ARHGAP24: variants seen among roughly 807,000 people sequenced by gnomAD.
ARHGAP24 encodes Rho GTPase activating protein 24, also known as rho GTPase-activating protein 24.
ARHGAP24 carries 50 observed loss-of-function variants against 76.4 expected under a neutral mutation model. The observed-to-expected ratio is 0.65, with a 90% confidence interval of 0.52 to 0.83. The LOEUF (loss-of-function observed/expected upper bound fraction) is 0.83, where lower values mean the gene tolerates loss of function less well. Among genes scored for constraint, ARHGAP24 ranks in the 40% least tolerant of loss-of-function variants. The probability of loss-of-function intolerance (pLI) is 0.00; values close to 1 mark genes in which losing one functional copy is unlikely to be tolerated. For synonymous variants in ARHGAP24, 345 were observed against 323.3 expected (o/e 1.07, Z -0.72); for missense variants, 930 against 914.2 (o/e 1.02, Z -0.22).
At chr4:85,687,259 T>C (rs2110014851) in intron 2 of ARHGAP24, among the ~76,000 whole-genome samples, 1 of 152,278 alleles carries the variant, frequency 6.6e-6, no homozygotes, top group South Asian at 2.1e-4. Context: ...GGGTTGAATT[T>C]TCTTGTCTTT....
intron 8 of ARHGAP24, among the ~76,000 whole-genome samples, chr4:85,982,919 T>A (rs749131242): frequency 6.6e-6 from 1 of 152,082 alleles, no homozygotes; most frequent in Non-Finnish European, 1.5e-5. Flanking sequence ...ATGTTTTCCC[T>A]TCCCCCCCTT....
At chr4:85,940,594 T>C (rs1429962860) in intron 4 of ARHGAP24, among the ~76,000 whole-genome samples, 1 of 152,152 alleles carries the variant, frequency 6.6e-6, no homozygotes, top group Non-Finnish European at 1.5e-5. Context: ...TGAGTGTCTG[T>C]TGGAGTTAGT....
chr4:85,867,358 C>T (rs1307351908), intron 3 of ARHGAP24, among the ~76,000 whole-genome samples: 3 of 151,992 alleles, frequency 2.0e-5, no homozygotes, highest in Admixed American at 1.3e-4. Context: ...GATTCTAGTG[C>T]GTTTACACTC....
chr4:85,809,005 C>A (rs1475172213), intron 3 of ARHGAP24, among the ~76,000 whole-genome samples: 1 of 152,130 alleles, frequency 6.6e-6, no homozygotes, highest in African/African-American at 2.4e-5. Flanking sequence ...TCCCACCTTT[C>A]ATCCAATTTA....
chr4:85,536,039 C>G (rs1725457224), intron 1 of ARHGAP24, among the ~76,000 whole-genome samples: 1 of 152,040 alleles, frequency 6.6e-6, no homozygotes, highest in Non-Finnish European at 1.5e-5. Flanking sequence ...CACCTGTGTT[C>G]CATTCATTCA....
rs1157548714 is a variant in ARHGAP24, at chr4:85,962,018, C to T, written c.600-10018C>T. 3.3e-5 allele frequency among the ~76,000 whole-genome samples: 5 copies of T among 152,224 alleles called. No individual in the cohort carries two copies. The East Asian group carries it at 9.6e-4, about 29-fold the overall frequency. On this transcript the variant is annotated intron_variant, in intron 5 of 9. Transcript: ENST00000395184. ...CAGGCAGAATACAATGGTGAAGTAA[C>T]TAAGTACAGCCAAAACTTCTCTATT...
At chr4:85,687,984 T>C (rs751388546) in intron 2 of ARHGAP24, among the ~76,000 whole-genome samples, 1 of 152,122 alleles carries the variant, frequency 6.6e-6, no homozygotes, top group African/African-American at 2.4e-5. Context: ...GCTAATTTTT[T>C]GTATTTTTAG....
At chr4:85,481,681 A>G (rs945531338) in intron 1 of ARHGAP24, among the ~76,000 whole-genome samples, 1 of 152,224 alleles carries the variant, frequency 6.6e-6, no homozygotes, top group Non-Finnish European at 1.5e-5. Context: ...CCATTACTTC[A>G]TTCCATGACA....
intron 3 of ARHGAP24, among the ~76,000 whole-genome samples, chr4:85,866,361 A>G (rs1174781602): frequency 6.6e-6 from 1 of 152,116 alleles, no homozygotes; most frequent in Non-Finnish European, 1.5e-5. Context: ...AAAAATGGAA[A>G]AAGAAAAACC....
intron 2 of ARHGAP24, among the ~76,000 whole-genome samples, chr4:85,639,506 A>T (rs72982086): frequency 2.0e-5 from 3 of 152,120 alleles, no homozygotes; most frequent in Admixed American, 2.0e-4. Context: ...ATAGATAACA[A>T]ATTCTCAGAG....
chr4:85,887,007 G>T (rs1733602097), intron 3 of ARHGAP24, among the ~76,000 whole-genome samples: 1 of 151,872 alleles, frequency 6.6e-6, no homozygotes, highest in South Asian at 2.1e-4. Context: ...ACTAGCTTTG[G>T]TACCATTTTT....
chr4:85,708,454 A>G (rs986741160), intron 2 of ARHGAP24, among the ~76,000 whole-genome samples: 1 of 152,188 alleles, frequency 6.6e-6, no homozygotes, highest in African/African-American at 2.4e-5. Context: ...TACTAATGAG[A>G]AAACAGAGGT....
chr4:85,896,964 T>C (rs1734213313), intron 3 of ARHGAP24, among the ~76,000 whole-genome samples: 1 of 152,196 alleles, frequency 6.6e-6, no homozygotes. Flanking sequence ...AAAAAATCTC[T>C]TTTAGACTTC....
intron 2 of ARHGAP24, among the ~76,000 whole-genome samples, chr4:85,648,070 TA>T (rs1721791760): frequency 6.6e-6 from 1 of 152,186 alleles, no homozygotes; most frequent in Non-Finnish European, 1.5e-5. Flanking sequence ...TAAAGTCAGA[TA>T]AATACAGTTC....
chr4:85,736,022 C>T (rs1455714264), intron 3 of ARHGAP24, among the ~76,000 whole-genome samples: 1 of 152,240 alleles, frequency 6.6e-6, no homozygotes, highest in East Asian at 1.9e-4. Context: ...CTCAAATGTG[C>T]AATGCATCAC....
chr4:85,761,685 A>T (rs538590997), intron 3 of ARHGAP24, among the ~76,000 whole-genome samples: 8 of 152,302 alleles, frequency 5.3e-5, no homozygotes, highest in Admixed American at 5.2e-4. Flanking sequence ...GACTCAGATT[A>T]CTCAAAAAGA....
chr4:85,808,140 T>C (rs1578248074), intron 3 of ARHGAP24, among the ~76,000 whole-genome samples: 1 of 152,084 alleles, frequency 6.6e-6, no homozygotes, highest in East Asian at 1.9e-4. Flanking sequence ...TTTCTCCCAA[T>C]TCGAAAAAAA....
intron 2 of ARHGAP24, among the ~76,000 whole-genome samples, chr4:85,616,555 T>A (rs1720543289): frequency 6.6e-6 from 1 of 152,016 alleles, no homozygotes; most frequent in African/African-American, 2.4e-5. Context: ...TATTTGTATT[T>A]GTGTGTGTGT....
At chr4:85,629,932 C>T (rs1721104656) in intron 2 of ARHGAP24, among the ~76,000 whole-genome samples, 1 of 151,736 alleles carries the variant, frequency 6.6e-6, no homozygotes, top group African/African-American at 2.4e-5. Context: ...GATTTCTGAC[C>T]CCTTTTCTTT....
Sources: gnomAD v4.1 joint callset for allele counts (sites outside exome capture counted in the v4.1 genomes callset) on GRCh38, gnomAD v4.1.1 for gene constraint, MANE v1.5 for transcripts, NCBI Gene and HGNC (gene_info 2026-07-23, HGNC 2026-07-21) for gene names.